The following TIE1 variants were observed in gnomAD, a reference collection of about 807,000 sequenced individuals.
TIE1 encodes tyrosine kinase with immunoglobulin like and EGF like domains 1.
Under a neutral mutation model 130.5 loss-of-function variants are expected in TIE1, and 89 were observed. The ratio of observed to expected loss-of-function variants is 0.68; its 90% CI spans 0.57 to 0.81. The LOEUF is 0.81. Among genes scored for constraint, TIE1 ranks in the 40% least tolerant of loss-of-function variants. The pLI is 0.00. For synonymous variants in TIE1, 568 were observed against 629.4 expected, an observed-to-expected ratio of 0.90 and a Z score of 1.46; for missense variants, 1,392 against 1,559.8, an observed-to-expected ratio of 0.89 and a Z score of 1.81.
In TIE1 at chr1:43,307,355, G is replaced by A; in HGVS notation, c.773-77G>A. Reference sequence around the variant, plus strand: ...CCCTAGAACCATGTGGGTGGAGCTTGGAGGGTAAGGGCGACAGGCAGGTCC... The same window carrying A: ...CCCTAGAACCATGTGGGTGGAGCTTAGAGGGTAAGGGCGACAGGCAGGTCC... On this transcript the variant is annotated intron_variant, in intron 5 of 22. Transcript: ENST00000372476. The surrounding 1 kb of genome is among the most constrained non-coding windows in gnomAD (Gnocchi z 5.4). 3 of 1,611,536 alleles carry A rather than the reference G, an allele frequency of 1.9e-6. No individual in the cohort carries two copies. The highest frequency in any genetic ancestry group is 2.5e-6 in the Non-Finnish European group (3 of 1,178,364).
intron 3 of TIE1, among the ~76,000 whole-genome samples, chr1:43,305,912 A>G (rs1163857996): frequency 6.6e-6 from 1 of 152,158 alleles, no homozygotes; most frequent in Non-Finnish European, 1.5e-5. Context: ...CAGTCCTCAG[A>G]TTCACAACCC....
chr1:43,322,852 A>C lies in TIE1; in HGVS notation c.*130A>C. The stretch of plus-strand genomic sequence containing the variant: ...AATTTTTTTAACTTAAGGGAGAAAA[A>C]AAGGGATCTGGGGATGGGGTGGGCT... On this transcript the variant is annotated 3_prime_UTR_variant, in exon 23 of 23. Transcript: ENST00000372476. The surrounding 1 kb of genome is among the most constrained non-coding windows in gnomAD (Gnocchi z 4.0). 1 of 831,200 alleles carries C rather than the reference A, an allele frequency of 1.2e-6. No individual in the cohort carries two copies. Among genetic ancestry groups the C allele is most frequent in the Non-Finnish European group, 1.9e-6 (1 of 527,886 alleles). 51.5% of individuals were successfully genotyped at this position (831,200 alleles called of 1,614,324 possible). A position where few individuals can be genotyped will look rare whatever the true frequency, so the allele number is the denominator to read the frequency against.
At chr1:43,310,788 T>C (rs1361965514) in intron 9 of TIE1, among the ~76,000 whole-genome samples, 2 of 152,182 alleles carry the variant, frequency 1.3e-5, no homozygotes, top group African/African-American at 4.8e-5. Context: ...GCACCCAAAA[T>C]GGACCTTCAT....
At position 43,312,691 on chromosome 1, in the gene TIE1, G is replaced by A; in HGVS notation, c.1927+90G>A. ...ACCTAGGAGACACGGGAGGCTGTAG[G>A]AGATTAATGGACATGGAGAGGACAC... On this transcript the variant is annotated intron_variant, in intron 12 of 22. Transcript: ENST00000372476. The surrounding 1 kb of genome is among the most constrained non-coding windows in gnomAD (Gnocchi z 5.6). 7.0e-7 allele frequency: 1 copy of A among 1,419,886 alleles called. No individual in the cohort carries two copies. Among genetic ancestry groups the A allele is most frequent in the East Asian group, 2.3e-5 (1 of 42,992 alleles). The allele number at this position is 1,419,886 out of a possible 1,614,324, so 88.0% of individuals were successfully genotyped here. A position where few individuals can be genotyped will look rare whatever the true frequency, so the allele number is the denominator to read the frequency against.
intron 1 of TIE1, 74 bp from the exon 2 acceptor site, chr1:43,304,777 G>A (rs1646706725): frequency 7.3e-7 from 1 of 1,361,692 alleles, no homozygotes; most frequent in Non-Finnish European, 9.4e-7. Flanking sequence ...TAAGACCAGA[G>A]GGCTGGGGCT....
chr1:43,305,870 T>C (rs1006882182), intron 3 of TIE1, among the ~76,000 whole-genome samples: 2 of 152,188 alleles, frequency 1.3e-5, no homozygotes, highest in African/African-American at 4.8e-5. Flanking sequence ...AGAAGGAAGC[T>C]GTTTTCCTAT....
In TIE1 at chr1:43,307,128, A is replaced by G; in HGVS notation, c.641-14A>G. On this transcript the variant is annotated splice_polypyrimidine_tract_variant and intron_variant, in intron 4 of 22. Transcript: ENST00000372476. The surrounding 1 kb of genome is among the most constrained non-coding windows in gnomAD (Gnocchi z 5.4). The stretch of plus-strand genomic sequence containing the variant: ...GGTGGGTGAGGGTCAGCTGCTGAAG[A>G]CACCTTCCTCCAGGTTGTGGGGCTG... The G allele has an allele frequency of 6.2e-7, 1 of 1,613,850 alleles. No individual in the cohort carries two copies. Among genetic ancestry groups the G allele is most frequent in the Middle Eastern group, 1.6e-4 (1 of 6,062 alleles).
chr1:43,307,776 C>A lies in TIE1; in HGVS notation c.914-20C>A. On this transcript the variant is annotated intron_variant, in intron 6 of 22. Coordinates refer to ENST00000372476, the MANE Select transcript of TIE1 (RefSeq NM_005424.5). The surrounding 1 kb of genome is among the most constrained non-coding windows in gnomAD (Gnocchi z 5.4). ...GCCCCCTGTCCCATGCCCCTCTAAT[C>A]ATACCTCCTCTATTCCCAGCTTGTG... 6.2e-7 allele frequency: 1 copy of A among 1,613,974 alleles called. No individual in the cohort carries two copies. The highest frequency in any genetic ancestry group is 1.1e-5 in the South Asian group (1 of 91,048).
rs369332357 is a variant in TIE1 at position 43,319,944 on chromosome 1, C to A, written c.3107+415C>A. 2 of 257,442 alleles carry A rather than the reference C, an allele frequency of 7.8e-6. No individual in the cohort carries two copies. 15.9% of individuals were successfully genotyped at this position (257,442 alleles called of 1,614,324 possible). A position where few individuals can be genotyped will look rare whatever the true frequency, so the allele number is the denominator to read the frequency against. The stretch of plus-strand genomic sequence containing the variant: ...AAGACTCCCTCTCTGTGCCCCCTCC[C>A]CTGCAGACAGCCCTCTTGGCACACT... On this transcript the variant is annotated intron_variant, in intron 19 of 22. Transcript: ENST00000372476. This position sits in a 1 kb window ranked among gnomAD's most constrained non-coding sequence, Gnocchi z 4.7.
At position 43,322,786 on chromosome 1, in the gene TIE1, C is replaced by T. The variant is rs1428754803; in HGVS notation, c.*64C>T. On this transcript the variant is annotated 3_prime_UTR_variant, in exon 23 of 23. Transcript: ENST00000372476. The surrounding 1 kb of genome is among the most constrained non-coding windows in gnomAD (Gnocchi z 4.0). ...CAAACTCTGCTGTCTAACCTGTGAC[C>T]AGTCTGACCCTTACAGCCTCTGACT... 8.7e-6 allele frequency: 13 copies of T among 1,499,988 alleles called. No individual in the cohort carries two copies. The highest frequency in any genetic ancestry group is 4.1e-5 in the African/African-American group (3 of 72,812). 92.9% of individuals were successfully genotyped at this position (1,499,988 alleles called of 1,614,324 possible). A position where few individuals can be genotyped will look rare whatever the true frequency, so the allele number is the denominator to read the frequency against.
rs750779662 is a variant in TIE1, at chr1:43,301,026, C to A, written c.-46C>A. ...GAGCAGTCAGGCCCACAGCATCTGA[C>A]CCCAGGCCCAGCTCGTCCTGGCTGG... is the stretch of plus-strand genomic sequence containing the variant. On this transcript the variant is annotated 5_prime_UTR_variant, in exon 1 of 23. Coordinates refer to ENST00000372476, the MANE Select transcript of TIE1 (RefSeq NM_005424.5). The A allele has an allele frequency of 6.3e-7, 1 of 1,598,318 alleles. No homozygotes were observed. The highest frequency in any genetic ancestry group is 1.3e-5 in the African/African-American group (1 of 74,464).
In TIE1 at chr1:43,316,618, A is replaced by T. The variant is rs1646860644; in HGVS notation, c.2410-581A>T. ...GAAAAGCCAAGTGTGTGGACAGGGT[A>T]ATCTCTGCTTCTGCTACTGTGGAGA... On this transcript the variant is annotated intron_variant, in intron 14 of 22. Transcript: ENST00000372476. The surrounding 1 kb of genome is among the most constrained non-coding windows in gnomAD (Gnocchi z 4.4). 6.6e-6 allele frequency among the ~76,000 whole-genome samples: 1 copy of T among 152,136 alleles called. No individual in the cohort carries two copies. The highest frequency in any genetic ancestry group is 2.4e-5 in the African/African-American group (1 of 41,424).
At chr1:43,311,274 G>A (rs931402716) in intron 9 of TIE1, among the ~76,000 whole-genome samples, 3 of 152,028 alleles carry the variant, frequency 2.0e-5, no homozygotes, top group Non-Finnish European at 4.4e-5. Flanking sequence ...GGGAGCAGGT[G>A]CTTCAGTGCC....
In TIE1 at chr1:43,307,783, C is replaced by A; in HGVS notation, c.914-13C>A. 6.2e-7 allele frequency: 1 copy of A among 1,614,126 alleles called. No homozygotes were observed. Among genetic ancestry groups the A allele is most frequent in the Non-Finnish European group, 8.5e-7 (1 of 1,179,998 alleles). ...GTCCCATGCCCCTCTAATCATACCT[C>A]CTCTATTCCCAGCTTGTGCCCCTGG... On this transcript the variant is annotated splice_polypyrimidine_tract_variant and intron_variant, in intron 6 of 22. Transcript: ENST00000372476. This position sits in a 1 kb window ranked among gnomAD's most constrained non-coding sequence, Gnocchi z 5.4.
In TIE1 at chr1:43,317,679, G is replaced by A; in HGVS notation, c.2731+5G>A. The A allele has an allele frequency of 6.4e-7, 1 of 1,568,084 alleles. No individual in the cohort carries two copies. The highest frequency in any genetic ancestry group is 8.7e-7 in the Non-Finnish European group (1 of 1,155,582). On this transcript the variant is annotated splice_donor_5th_base_variant and intron_variant, in intron 16 of 22. Transcript: ENST00000372476. The surrounding 1 kb of genome is among the most constrained non-coding windows in gnomAD (Gnocchi z 5.1). ...TGGGGGCCTGTAAGAACCGAGGTGAGCCCCCAGCTCATCACCTACCCCTTC... is the reference window on the plus strand; with the variant it reads ...TGGGGGCCTGTAAGAACCGAGGTGAACCCCCAGCTCATCACCTACCCCTTC...
chr1:43,317,339 C>T lies in TIE1; in HGVS notation c.2550C>T (p.Phe850=), dbSNP rs771561210. 1.7e-5 allele frequency: 28 copies of T among 1,614,078 alleles called. No individual in the cohort carries two copies. The highest frequency in any genetic ancestry group is 2.2e-5 in the East Asian group (1 of 44,870). ...TFEDLIGEGN[F]GQVIRAMIKK... ...AGGACCTCATCGGGGAGGGGAACTT[C>T]GGCCAGGTCATCCGGGCCATGATCA... Residue 850 remains phenylalanine, a synonymous_variant, in exon 15 of 23, where the codon TTC becomes TTT. Transcript: ENST00000372476. The surrounding 1 kb of genome is among the most constrained non-coding windows in gnomAD (Gnocchi z 5.1).
Position 43,313,593 on chromosome 1 carries a change from TC to T in TIE1, c.2218+171del. 1 of 1,085,186 alleles carries T rather than the reference TC, an allele frequency of 9.2e-7. No individual in the cohort carries two copies. Among genetic ancestry groups the T allele is most frequent in the Non-Finnish European group, 1.3e-6 (1 of 771,322 alleles). The allele number at this position is 1,085,186 out of a possible 1,614,324, so 67.2% of individuals were successfully genotyped here. ...AGCCTTCCATTCTCATGATCCACTG[TC>T]CCAGGGCTGGGAAAATCATGTCGCC... On this transcript the variant is annotated intron_variant, in intron 13 of 22. Coordinates refer to ENST00000372476, the MANE Select transcript of TIE1 (RefSeq NM_005424.5). The surrounding 1 kb of genome is among the most constrained non-coding windows in gnomAD (Gnocchi z 6.2).
chr1:43,312,171 G>T lies in TIE1; in HGVS notation c.1630+40G>T, dbSNP rs763211040. On this transcript the variant is annotated intron_variant, in intron 11 of 22. Coordinates refer to ENST00000372476, the MANE Select transcript of TIE1 (RefSeq NM_005424.5). The surrounding 1 kb of genome is among the most constrained non-coding windows in gnomAD (Gnocchi z 5.6). ...GTCATCCCTTCCTGTCCCCCCAAGGGTTACTTTCCCGTCGACCCCAGGGAC... is the reference window on the plus strand; with the variant it reads ...GTCATCCCTTCCTGTCCCCCCAAGGTTTACTTTCCCGTCGACCCCAGGGAC... 1.3e-5 allele frequency: 20 copies of T among 1,515,588 alleles called. No individual in the cohort carries two copies. Among genetic ancestry groups the T allele is most frequent in the Admixed American group, 2.2e-5 (1 of 44,814 alleles). The allele number at this position is 1,515,588 out of a possible 1,614,324, so 93.9% of individuals were successfully genotyped here.
chr1:43,315,736 C>T lies in TIE1; in HGVS notation c.2410-1463C>T, dbSNP rs1042554042. 1.3e-5 allele frequency among the ~76,000 whole-genome samples: 2 copies of T among 152,032 alleles called. No homozygotes were observed. The highest frequency in any genetic ancestry group is 2.9e-5 in the Non-Finnish European group (2 of 68,020). On this transcript the variant is annotated intron_variant, in intron 14 of 22. Coordinates refer to ENST00000372476, the MANE Select transcript of TIE1 (RefSeq NM_005424.5). This position sits in a 1 kb window ranked among gnomAD's most constrained non-coding sequence, Gnocchi z 4.4. ...TGGCTCTTCCTCTGAGGTCAGTGCA[C>T]ACAGAAAGCCCTCACTGCTGTGGTG...
Sources: allele counts gnomAD v4.1 joint callset (sites outside exome capture counted in the v4.1 genomes callset), GRCh38; gene constraint gnomAD v4.1.1; non-coding constraint Gnocchi (gnomAD v3.1); transcripts MANE v1.5; gene names NCBI Gene and HGNC (gene_info 2026-07-23, HGNC 2026-07-21).